The following VPS53 variants were observed in gnomAD, a reference collection of about 807,000 sequenced individuals.
VPS53 encodes the protein vacuolar protein sorting-associated protein 53 homolog.
In VPS53, 70 loss-of-function variants were observed where a neutral mutation model predicts 107.0. The ratio of observed to expected loss-of-function variants is 0.65; its 90% CI spans 0.54 to 0.80. VPS53 has a LOEUF of 0.80. Among genes scored for constraint, VPS53 ranks in the 30% least tolerant of loss-of-function variants. VPS53 has a pLI of 0.00. For missense variants in VPS53, 917 were observed against 1,049.4 expected, an observed-to-expected ratio of 0.87 and a Z score of 1.74; for synonymous variants, 409 against 393.3, an observed-to-expected ratio of 1.04 and a Z score of -0.47.
intron 4 of VPS53, among the ~76,000 whole-genome samples, chr17:688,463 T>C (rs1038588713): frequency 6.6e-6 from 1 of 152,220 alleles, no homozygotes; most frequent in African/African-American, 2.4e-5. Flanking sequence ...TATTTCTTCA[T>C]AGCAGTGTGA....
At chr17:699,502 G>T in intron 2 of VPS53, 122 bp from the exon 3 acceptor site, 3 of 711,394 alleles carry the variant, frequency 4.2e-6, no homozygotes, top group South Asian at 4.1e-5. Flanking sequence ...CACATGATAT[G>T]AGTTTTGCTT....
chr17:551,763 C>T, intron 17 of VPS53, 109 bp downstream of exon 17: 1 of 973,508 alleles, frequency 1.0e-6, no homozygotes, highest in South Asian at 2.1e-5. Flanking sequence ...TTCTCCTCAG[C>T]TGATCCTTTA....
At chr17:701,541 C>A (rs1471176751) in intron 2 of VPS53, among the ~76,000 whole-genome samples, 1 of 151,824 alleles carries the variant, frequency 6.6e-6, no homozygotes, top group East Asian at 1.9e-4. Flanking sequence ...CCACGCCCAG[C>A]TAATTTTTGT....
intron 13 of VPS53, among the ~76,000 whole-genome samples, chr17:584,048 G>A (rs895753238): frequency 6.6e-6 from 1 of 151,508 alleles, no homozygotes; most frequent in Non-Finnish European, 1.5e-5. Flanking sequence ...TCCCCAAGAA[G>A]CTCCCTCAGA....
At chr17:598,291 G>T (rs890731220) in intron 12 of VPS53, among the ~76,000 whole-genome samples, 1 of 151,792 alleles carries the variant, frequency 6.6e-6, no homozygotes, top group African/African-American at 2.4e-5. Context: ...GGAGTGCAGG[G>T]GCGTGATCTC....
At chr17:529,420 AC>A (rs1909365325) in intron 19 of VPS53, among the ~76,000 whole-genome samples, 1 of 150,504 alleles carries the variant, frequency 6.6e-6, no homozygotes, top group African/African-American at 2.4e-5. Context: ...ACACACACAC[AC>A]ACCCCTGCTG....
At chr17:669,609 T>A (rs1250654116) in intron 4 of VPS53, among the ~76,000 whole-genome samples, 6 of 60,652 alleles carry the variant, frequency 9.9e-5, no homozygotes, top group South Asian at 6.6e-4. Flanking sequence ...AAAAAAAAAA[T>A]TAGGCCAGGT....
At chr17:686,619 G>C (rs1042280621) in intron 4 of VPS53, among the ~76,000 whole-genome samples, 2 of 152,180 alleles carry the variant, frequency 1.3e-5, no homozygotes, top group African/African-American at 4.8e-5. Context: ...AAGGCAGTAA[G>C]GGGCCTGGGA....
At chr17:604,267 G>A (rs546111751) in intron 11 of VPS53, among the ~76,000 whole-genome samples, 62 of 152,212 alleles carry the variant, frequency 4.1e-4, no homozygotes, top group African/African-American at 1.4e-3. Context: ...TCAAGAAAAC[G>A]CAGAGGGTAG....
intron 4 of VPS53, among the ~76,000 whole-genome samples, chr17:692,147 T>G (rs903387595): frequency 6.6e-5 from 10 of 152,308 alleles, no homozygotes; most frequent in Admixed American, 3.9e-4. Flanking sequence ...CCGGTCAACG[T>G]TGGCCACTCT....
At chr17:577,624 C>T (rs1034611621) in intron 13 of VPS53, among the ~76,000 whole-genome samples, 3 of 151,594 alleles carry the variant, frequency 2.0e-5, no homozygotes, top group African/African-American at 4.9e-5. Context: ...GACCTCAATG[C>T]GTTCCCAGAG....
chr17:696,385 C>T (rs1972960621), intron 4 of VPS53, among the ~76,000 whole-genome samples: 1 of 152,186 alleles, frequency 6.6e-6, no homozygotes, highest in Admixed American at 6.5e-5. Flanking sequence ...GCTCCTCCCA[C>T]TCCAAATCTG....
Position 569,271 on chromosome 17 carries a change from C to T in VPS53, c.1314-6526G>A, listed in dbSNP as rs376607842. Among the ~76,000 whole-genome samples, 88 of 152,262 alleles carry T rather than the reference C, an allele frequency of 5.8e-4. 2 individuals carry two copies. Among genetic ancestry groups the T allele is most frequent in the Non-Finnish European group, 8.7e-4 (59 of 68,016 alleles). ...CAAATCCTGGAAGGAAAAACAGACA[C>T]TAATGGAAAAACTGGTGAAGTTCAA... On this transcript the variant is annotated intron_variant, in intron 13 of 21. Transcript: ENST00000437048.
chr17:590,301 T>C (rs1200074646), intron 12 of VPS53, among the ~76,000 whole-genome samples: 1 of 152,214 alleles, frequency 6.6e-6, no homozygotes, highest in Admixed American at 6.5e-5. Flanking sequence ...GTTTTCTAGA[T>C]ATACAATCAT....
intron 7 of VPS53, among the ~76,000 whole-genome samples, chr17:640,377 G>A (rs762313900): frequency 6.6e-5 from 10 of 152,134 alleles, no homozygotes; most frequent in Non-Finnish European, 1.3e-4. Flanking sequence ...CCCTGCTTCA[G>A]CTCATGTTTG....
At chr17:566,152 C>T (rs1485152610) in intron 13 of VPS53, among the ~76,000 whole-genome samples, 3 of 145,470 alleles carry the variant, frequency 2.1e-5, no homozygotes, top group South Asian at 2.2e-4. Flanking sequence ...TGCAGTGAGC[C>T]GAGATCCCGC....
intron 13 of VPS53, among the ~76,000 whole-genome samples, chr17:580,685 A>G (rs374152175): frequency 6.6e-6 from 1 of 151,608 alleles, no homozygotes; most frequent in South Asian, 2.1e-4. Flanking sequence ...TCAGAACCTA[A>G]TGCGTTCCCA....
intron 6 of VPS53, among the ~76,000 whole-genome samples, chr17:654,661 C>T (rs1244844196): frequency 1.5e-4 from 21 of 142,470 alleles, no homozygotes; most frequent in African/African-American, 5.1e-4. Flanking sequence ...GGCGGGAACC[C>T]GGGAGGCGGA....
intron 11 of VPS53, among the ~76,000 whole-genome samples, 195 bp from the exon 12 acceptor site, chr17:602,091 C>CCA (rs1365816515): frequency 6.6e-6 from 1 of 152,182 alleles, no homozygotes; most frequent in Non-Finnish European, 1.5e-5. Flanking sequence ...ACCTCCCCGA[C>CCA]CACCCCGCCC....
Sources: allele counts gnomAD v4.1 joint callset (sites outside exome capture counted in the v4.1 genomes callset), GRCh38; gene constraint gnomAD v4.1.1; transcripts MANE v1.5; gene names NCBI Gene and HGNC (gene_info 2026-07-23, HGNC 2026-07-21).